PCDH11X: variants seen among roughly 807,000 people sequenced by gnomAD.
The protein encoded by PCDH11X is protocadherin-11 X-linked.
A neutral mutation model predicts 53.3 loss-of-function variants in PCDH11X; 18 were observed. That is an observed-to-expected ratio of 0.34 (90% CI 0.23 to 0.50). The LOEUF (loss-of-function observed/expected upper bound fraction) is 0.50, where lower values mean the gene tolerates loss of function less well. Among genes scored for constraint, PCDH11X ranks in the 20% least tolerant of loss-of-function variants. The probability of loss-of-function intolerance (pLI) is 0.98; values close to 1 mark genes in which losing one functional copy is unlikely to be tolerated. For synonymous variants in PCDH11X, 279 were observed against 393.3 expected, an observed-to-expected ratio of 0.71 and a Z score of 3.44; for missense variants, 570 against 1,032.4, an observed-to-expected ratio of 0.55 and a Z score of 6.14.
intron 10 of PCDH11X, among the ~76,000 whole-genome samples, chrX:92,610,766 T>C: frequency 9.0e-6 from 1 of 110,928 alleles, no homozygotes; most frequent in East Asian, 2.8e-4. Context: ...TAGGTTAATT[T>C]TTGTATATGG....
chrX:92,221,974 C>A (rs1294673020), intron 7 of PCDH11X, among the ~76,000 whole-genome samples: 2 of 110,584 alleles, frequency 1.8e-5, no homozygotes, highest in African/African-American at 6.6e-5. Flanking sequence ...GCTGGGCTTA[C>A]AGGTGCACGC....
At chrX:91,861,968 G>A (rs1038908307) in intron 5 of PCDH11X, among the ~76,000 whole-genome samples, 1 of 110,525 alleles carries the variant, frequency 9.0e-6, no homozygotes, top group Non-Finnish European at 1.9e-5. Flanking sequence ...AGCTTTTTTT[G>A]TTCTTCTTGG....
chrX:92,246,351 TTTG>T (rs1242475167), intron 7 of PCDH11X, among the ~76,000 whole-genome samples: 1 of 111,208 alleles, frequency 9.0e-6, no homozygotes, highest in Non-Finnish European at 1.9e-5. Context: ...TTTTTACTTT[TTTG>T]TTGTTGTTGT....
intron 6 of PCDH11X, among the ~76,000 whole-genome samples, chrX:92,157,860 T>C (rs184623273): frequency 1.8e-5 from 2 of 112,035 alleles, no homozygotes; most frequent in East Asian, 5.6e-4. Context: ...TCTTATGACA[T>C]GGAAAAAATC....
Position 92,622,873 on chromosome X carries a change from T to G in PCDH11X, c.*3933T>G, listed in dbSNP as rs1263912429. Reference sequence around the variant, plus strand: ...AAAAAAATCTGCTCAGAAAAATGTATGTGCACAAATAAAAAAAATTAATGG... The same window carrying G: ...AAAAAAATCTGCTCAGAAAAATGTAGGTGCACAAATAAAAAAAATTAATGG... On this transcript the variant is annotated 3_prime_UTR_variant, in exon 11 of 11. Coordinates refer to ENST00000682573, the MANE Select transcript of PCDH11X (RefSeq NM_032968.5). 2.7e-5 allele frequency: 3 copies of G among 110,574 alleles called. No individual in the cohort carries two copies. The highest frequency in any genetic ancestry group is 5.7e-5 in the Non-Finnish European group (3 of 52,743). 9.1% of individuals were successfully genotyped at this position (110,574 alleles called of 1,213,427 possible).
chrX:92,132,657 G>GTATATGTATATATATATGTATGTA (rs2065009541), intron 6 of PCDH11X, among the ~76,000 whole-genome samples: 2 of 54,390 alleles, frequency 3.7e-5, no homozygotes, highest in Admixed American at 3.2e-4. Context: ...ATATATATAT[G>GTATATGTATATATATATGTATGTA]TATATATATA....
intron 7 of PCDH11X, among the ~76,000 whole-genome samples, chrX:92,213,522 G>A (rs999868643): frequency 3.0e-4 from 34 of 111,557 alleles, no homozygotes; most frequent in Admixed American, 2.9e-3. Context: ...TTGTCCAATC[G>A]TACACTGTCC....
intron 6 of PCDH11X, among the ~76,000 whole-genome samples, chrX:91,925,632 A>G (rs1212087173): frequency 3.6e-5 from 4 of 110,889 alleles, no homozygotes; most frequent in Non-Finnish European, 7.6e-5. Context: ...ATAATTGAAG[A>G]ATGTTAAAAA....
intron 8 of PCDH11X, among the ~76,000 whole-genome samples, chrX:92,267,095 A>T (rs907422294): frequency 3.6e-5 from 4 of 111,858 alleles, no homozygotes; most frequent in African/African-American, 1.3e-4. Context: ...TCTGGTTAAT[A>T]GTTTTTGAAA....
intron 6 of PCDH11X, among the ~76,000 whole-genome samples, chrX:91,916,143 A>G (rs1466420570): frequency 9.0e-6 from 1 of 111,274 alleles, no homozygotes; most frequent in Non-Finnish European, 1.9e-5. Context: ...TAATAGTAAC[A>G]AAACTTAACA....
chrX:91,837,585 G>T (rs1186256811), intron 5 of PCDH11X, among the ~76,000 whole-genome samples: 1 of 111,427 alleles, frequency 9.0e-6, no homozygotes, highest in African/African-American at 3.3e-5. Flanking sequence ...ATAATATGAG[G>T]ATGATAATTA....
chrX:92,348,064 T>A (rs1569470756), intron 8 of PCDH11X, among the ~76,000 whole-genome samples: 1 of 111,431 alleles, frequency 9.0e-6, no homozygotes, highest in African/African-American at 3.3e-5. Flanking sequence ...TAGGGTGATT[T>A]ATTATAGAAC....
rs1296973688 is a variant in PCDH11X at position 92,618,348 on chromosome X, C to T, written c.3452C>T (p.Ala1151Val). 1 of 1,210,088 alleles carries T rather than the reference C, an allele frequency of 8.3e-7. No homozygotes were observed. The highest frequency in any genetic ancestry group is 1.1e-6 in the Non-Finnish European group (1 of 895,155). The change falls in exon 11 of 11, where the codon GCC (alanine) becomes GTC (valine). Residue 1151 changes from alanine (A) to valine (V), a missense_variant. By Grantham distance (64) the Ala-to-Val change is moderately conservative (BLOSUM62 0). Coordinates refer to ENST00000682573, the MANE Select transcript of PCDH11X (RefSeq NM_032968.5). Reference sequence around the variant, plus strand: ...TGTCTCATCTATGGCCATTCTGATGCCTGCTGGATGCCGGCATCTCTGGAT... The same window carrying T: ...TGTCTCATCTATGGCCATTCTGATGTCTGCTGGATGCCGGCATCTCTGGAT... ...QECLIYGHSD[A>V]CWMPASLDHS... is the part of the protein sequence containing the mutation.
chrX:92,467,449 A>T (rs1437232575), intron 9 of PCDH11X, among the ~76,000 whole-genome samples: 1 of 111,390 alleles, frequency 9.0e-6, no homozygotes, highest in Admixed American at 9.6e-5. Flanking sequence ...AATAATTCCT[A>T]AAATGCAGAT....
chrX:92,452,495 ATATGTT>A (rs1432560345), intron 9 of PCDH11X, among the ~76,000 whole-genome samples: 1 of 40,425 alleles, frequency 2.5e-5, no homozygotes, highest in African/African-American at 2.3e-4. Context: ...ATATATATAT[ATATGTT>A]TTTTTTTTTT....
At chrX:91,907,312 T>A in intron 6 of PCDH11X, among the ~76,000 whole-genome samples, 1 of 85,471 alleles carries the variant, frequency 1.2e-5, no homozygotes, top group African/African-American at 4.1e-5. Context: ...AAATTTCTGT[T>A]ACTTCCCCAA....
At chrX:92,193,969 T>A (rs2066246237) in intron 6 of PCDH11X, among the ~76,000 whole-genome samples, 2 of 111,788 alleles carry the variant, frequency 1.8e-5, no homozygotes, top group African/African-American at 3.2e-5. Flanking sequence ...TTAGAAAAAA[T>A]TTTAATGCAT....
intron 8 of PCDH11X, among the ~76,000 whole-genome samples, chrX:92,380,795 A>G (rs1395078998): frequency 9.1e-6 from 1 of 110,306 alleles, no homozygotes; most frequent in Non-Finnish European, 1.9e-5. Flanking sequence ...TACCTTTTTA[A>G]GAAAAATGAA....
intron 6 of PCDH11X, among the ~76,000 whole-genome samples, chrX:91,898,636 G>A (rs1484389858): frequency 2.0e-5 from 2 of 102,099 alleles, no homozygotes; most frequent in Non-Finnish European, 4.0e-5. Flanking sequence ...CTTGCCCACG[G>A]TTATTCAGTT....
Sources: allele counts gnomAD v4.1 joint callset (sites outside exome capture counted in the v4.1 genomes callset), GRCh38; gene constraint gnomAD v4.1.1; transcripts MANE v1.5; gene names NCBI Gene and HGNC (gene_info 2026-07-23, HGNC 2026-07-21).